The following CALN1 variants were observed in gnomAD, a reference collection of about 807,000 sequenced individuals.
CALN1 encodes the protein calcium-binding protein 8.
A neutral mutation model predicts 30.6 loss-of-function variants in CALN1; 17 were observed. The ratio of observed to expected loss-of-function variants is 0.56; its 90% CI spans 0.38 to 0.83. The LOEUF (loss-of-function observed/expected upper bound fraction) is 0.83. CALN1 is among the 40% of genes least tolerant of loss of function. CALN1 has a pLI of 0.00. For missense variants in CALN1, 291 were observed against 354.9 expected, an observed-to-expected ratio of 0.82 and a Z score of 1.45; for synonymous variants, 156 against 131.4, an observed-to-expected ratio of 1.19 and a Z score of -1.28.
chr7:72,090,345 AGTGACTCGGAAATTAAATT>A (rs1805771803), intron 4 of CALN1, among the ~76,000 whole-genome samples: 1 of 152,192 alleles, frequency 6.6e-6, no homozygotes, highest in East Asian at 1.9e-4. Flanking sequence ...TAAAAATCCC[AGTGACTCGGAAATTAAATT>A]GTAAGATGGT....
chr7:72,093,866 G>T (rs927613542), intron 4 of CALN1, among the ~76,000 whole-genome samples: 3 of 152,204 alleles, frequency 2.0e-5, no homozygotes, highest in Non-Finnish European at 4.4e-5. Flanking sequence ...GAAATTTCAG[G>T]TCCTGATGGA....
chr7:72,354,680 AAATT>A (rs1803121612), intron 2 of CALN1, among the ~76,000 whole-genome samples: 1 of 152,184 alleles, frequency 6.6e-6, no homozygotes, highest in Non-Finnish European at 1.5e-5. Flanking sequence ...AAATTAATTC[AAATT>A]AATTAATTTA....
chr7:72,138,392 G>C (rs1357790713), intron 3 of CALN1, among the ~76,000 whole-genome samples: 1 of 152,114 alleles, frequency 6.6e-6, no homozygotes, highest in East Asian at 1.9e-4. Context: ...TCGAATACAA[G>C]TGTTCTCTCC....
chr7:71,862,689 T>G (rs1038096806), intron 5 of CALN1, among the ~76,000 whole-genome samples: 6 of 152,218 alleles, frequency 3.9e-5, no homozygotes, highest in African/African-American at 9.6e-5. Flanking sequence ...GGAAGATTCA[T>G]GCAATCTTGA....
rs1381912624 is a variant in CALN1, at chr7:71,780,760, T to G, written c.*7015A>C. On this transcript the variant is annotated 3_prime_UTR_variant, in exon 7 of 7. Coordinates refer to ENST00000395275, the MANE Select transcript of CALN1 (RefSeq NM_031468.4). ...GTGCTCTTTATTCAGTAGCTTTCAG[T>G]AAGGCTTTCTCAAATGGAGAAACAA... The G allele has an allele frequency of 1.3e-5, 2 of 152,028 alleles. No individual in the cohort carries two copies. The highest frequency in any genetic ancestry group is 2.4e-5 in the African/African-American group (1 of 41,380). The allele number at this position is 152,028 out of a possible 1,614,324, so 9.4% of individuals were successfully genotyped here. A position where few individuals can be genotyped will look rare whatever the true frequency, so the allele number is the denominator to read the frequency against.
At chr7:72,265,280 G>A (rs1035254783) in intron 3 of CALN1, among the ~76,000 whole-genome samples, 10 of 152,176 alleles carry the variant, frequency 6.6e-5, no homozygotes, top group African/African-American at 2.2e-4. Context: ...CATCACCTGC[G>A]ATGAGTGGAG....
At chr7:72,361,320 A>C (rs1803556850) in intron 2 of CALN1, among the ~76,000 whole-genome samples, 1 of 152,054 alleles carries the variant, frequency 6.6e-6, no homozygotes, top group South Asian at 2.1e-4. Context: ...TATGAAATCC[A>C]TTAATAAGTA....
intron 5 of CALN1, among the ~76,000 whole-genome samples, chr7:71,994,676 C>T (rs921922655): frequency 2.0e-5 from 3 of 151,904 alleles, no homozygotes; most frequent in Admixed American, 1.3e-4. Flanking sequence ...AGAGGAGAGC[C>T]CTCTGTACAG....
At chr7:72,225,468 T>A (rs1793604424) in intron 3 of CALN1, among the ~76,000 whole-genome samples, 1 of 152,042 alleles carries the variant, frequency 6.6e-6, no homozygotes. Context: ...GCCGTGTTGG[T>A]CAAGCTTCAA....
intron 3 of CALN1, among the ~76,000 whole-genome samples, chr7:72,249,536 G>C (rs6974939): frequency 0.36 from 54,319 of 152,110 alleles, 10,672 homozygotes; most frequent in Middle Eastern, 0.55. Context: ...GGCATGGTGG[G>C]TCATGCCTGT....
At chr7:72,009,041 TAA>T (rs1799931860) in intron 5 of CALN1, among the ~76,000 whole-genome samples, 1 of 152,208 alleles carries the variant, frequency 6.6e-6, no homozygotes, top group Admixed American at 6.5e-5. Context: ...GAAGATAATA[TAA>T]GTTTTCAAAA....
chr7:72,285,389 G>A (rs902840340), intron 2 of CALN1, among the ~76,000 whole-genome samples: 17 of 152,012 alleles, frequency 1.1e-4, no homozygotes, highest in South Asian at 2.1e-4. Flanking sequence ...GATTACAGGC[G>A]CCTGCCACCA....
intron 3 of CALN1, among the ~76,000 whole-genome samples, chr7:72,272,292 T>A (rs1797047879): frequency 6.6e-6 from 1 of 152,094 alleles, no homozygotes; most frequent in Non-Finnish European, 1.5e-5. Context: ...CCAGGTGTGT[T>A]CGCTCATGCC....
At chr7:72,172,352 C>T (rs1159693072) in intron 3 of CALN1, among the ~76,000 whole-genome samples, 4 of 152,160 alleles carry the variant, frequency 2.6e-5, no homozygotes, top group African/African-American at 9.7e-5. Flanking sequence ...ACCATTTGTA[C>T]CTCCTTCACA....
At chr7:72,247,367 C>T (rs1562791673) in intron 3 of CALN1, among the ~76,000 whole-genome samples, 1 of 149,280 alleles carries the variant, frequency 6.7e-6, no homozygotes, top group South Asian at 2.1e-4. Flanking sequence ...CCTGCCTCAC[C>T]CTCCAGAATA....
At chr7:72,418,856 C>A (rs1807514099) in intron 1 of CALN1, among the ~76,000 whole-genome samples, 1 of 151,984 alleles carries the variant, frequency 6.6e-6, no homozygotes, top group African/African-American at 2.4e-5. Context: ...ACCAAAAAAT[C>A]TTTTTAAAAA....
chr7:71,814,796 G>A (rs540706065), intron 5 of CALN1, among the ~76,000 whole-genome samples: 6 of 150,538 alleles, frequency 4.0e-5, no homozygotes, highest in Non-Finnish European at 8.8e-5. Context: ...AGAATGCAGT[G>A]TACAATACAT....
At chr7:71,822,421 T>G (rs1258224893) in intron 5 of CALN1, among the ~76,000 whole-genome samples, 1 of 152,198 alleles carries the variant, frequency 6.6e-6, no homozygotes, top group African/African-American at 2.4e-5. Flanking sequence ...GCTAATTTTG[T>G]ATTTTTAGTA....
chr7:72,398,442 G>A (rs1236715541), intron 2 of CALN1, among the ~76,000 whole-genome samples: 1 of 152,168 alleles, frequency 6.6e-6, no homozygotes, highest in African/African-American at 2.4e-5. Context: ...CACTTTGTTT[G>A]GAACATGAGT....
Sources: gnomAD v4.1 joint callset for allele counts (sites outside exome capture counted in the v4.1 genomes callset) on GRCh38, gnomAD v4.1.1 for gene constraint, MANE v1.5 for transcripts, NCBI Gene and HGNC (gene_info 2026-07-23, HGNC 2026-07-21) for gene names.